Variants in DYNC1I1 observed in about 807,000 individuals in gnomAD.
DYNC1I1 encodes the protein dynein cytoplasmic 1 intermediate chain 1.
A neutral mutation model predicts 86.6 loss-of-function variants in DYNC1I1; 43 were observed. The ratio of observed to expected loss-of-function variants is 0.50; its 90% CI spans 0.39 to 0.64. The LOEUF (loss-of-function observed/expected upper bound fraction) is 0.64. DYNC1I1 is among the 30% of genes least tolerant of loss of function. DYNC1I1 has a pLI of 0.00. For synonymous variants in DYNC1I1, 262 were observed against 283.7 expected (o/e 0.92, Z 0.77); for missense variants, 604 against 788.8 (o/e 0.77, Z 2.81).
intron 10 of DYNC1I1, among the ~76,000 whole-genome samples, chr7:96,021,635 TAAAG>T (rs1159120773): frequency 6.6e-6 from 1 of 152,194 alleles, no homozygotes; most frequent in Non-Finnish European, 1.5e-5. Context: ...TATCATCACA[TAAAG>T]AAACCCCATA....
rs747542687 is a variant in DYNC1I1, at chr7:96,063,201, G to A, written c.1510-12856G>A. Among the ~76,000 whole-genome samples the A allele has an allele frequency of 2.0e-5, 3 of 151,884 alleles. No homozygotes were observed. In the East Asian group the frequency reaches 5.8e-4, roughly 29 times the overall value. Reference sequence around the variant, plus strand: ...TGGAGGCGCAATATAGCTGATGGTTGAGCCGTAGTCATTGATTGCAAAGGG... The same window carrying A: ...TGGAGGCGCAATATAGCTGATGGTTAAGCCGTAGTCATTGATTGCAAAGGG... On this transcript the variant is annotated intron_variant, in intron 14 of 16. Transcript: ENST00000447467.
chr7:95,965,535 T>A (rs1792988425), intron 6 of DYNC1I1, among the ~76,000 whole-genome samples: 1 of 151,866 alleles, frequency 6.6e-6, no homozygotes, highest in Non-Finnish European at 1.5e-5. Context: ...CCAAGGAGAG[T>A]AATTCTGTTA....
intron 10 of DYNC1I1, among the ~76,000 whole-genome samples, chr7:96,020,182 T>G (rs1794508998): frequency 6.6e-6 from 1 of 151,372 alleles, no homozygotes. Context: ...GGGTGGAATG[T>G]AAAATGGTGC....
intron 5 of DYNC1I1, among the ~76,000 whole-genome samples, chr7:95,850,528 C>G (rs1321992505): frequency 1.3e-5 from 2 of 152,170 alleles, no homozygotes; most frequent in Non-Finnish European, 2.9e-5. Context: ...TCAAGACTGT[C>G]AGTGAATGCC....
intron 6 of DYNC1I1, among the ~76,000 whole-genome samples, chr7:95,972,709 C>T (rs916456318): frequency 6.6e-6 from 1 of 152,300 alleles, no homozygotes; most frequent in Admixed American, 6.5e-5. Context: ...AAACTGTCTA[C>T]GTCGGCTTCA....
At chr7:95,814,904 C>A (rs1404328087) in intron 4 of DYNC1I1, among the ~76,000 whole-genome samples, 4 of 152,026 alleles carry the variant, frequency 2.6e-5, no homozygotes, top group Non-Finnish European at 4.4e-5. Context: ...TTCAAAAGGT[C>A]TTTGGCAGGA....
chr7:95,884,853 TTC>T lies in DYNC1I1; in HGVS notation c.490+14859_490+14860del, dbSNP rs1401310292. On this transcript the variant is annotated intron_variant, in intron 6 of 16. Coordinates refer to ENST00000447467, the MANE Select transcript of DYNC1I1 (RefSeq NM_001135556.2). ...CTTATAGGCTACATACACAGCAGTATTCTCTGTTTCTCCTCAACCTCAGTAAA... is the reference window on the plus strand; with the variant it reads ...CTTATAGGCTACATACACAGCAGTATTCTGTTTCTCCTCAACCTCAGTAAA... Among the ~76,000 whole-genome samples, 4 of 151,962 alleles carry T rather than the reference TTC, an allele frequency of 2.6e-5. No individual in the cohort carries two copies. The East Asian group carries it at 5.8e-4, about 22-fold the overall frequency.
chr7:95,962,565 G>A (rs559287912), intron 6 of DYNC1I1, among the ~76,000 whole-genome samples: 3 of 143,214 alleles, frequency 2.1e-5, no homozygotes, highest in Non-Finnish European at 4.5e-5. Flanking sequence ...CAATTACCCT[G>A]CCTTAATAAC....
chr7:96,058,366 G>A (rs1789649351), intron 14 of DYNC1I1, among the ~76,000 whole-genome samples: 2 of 152,172 alleles, frequency 1.3e-5, no homozygotes, highest in African/African-American at 4.8e-5. Context: ...TCAAACTTGT[G>A]TAATCAATAG....
chr7:96,075,135 T>TTCAA (rs1790291469), intron 14 of DYNC1I1, among the ~76,000 whole-genome samples: 1 of 152,232 alleles, frequency 6.6e-6, no homozygotes, highest in Admixed American at 6.5e-5. Flanking sequence ...GAAGTCCAAT[T>TTCAA]ACGTTTTATT....
intron 7 of DYNC1I1, among the ~76,000 whole-genome samples, chr7:95,984,548 C>T (rs1049506127): frequency 6.6e-6 from 1 of 151,980 alleles, no homozygotes; most frequent in African/African-American, 2.4e-5. Context: ...TAAAAACACA[C>T]CAATCTATTT....
chr7:95,863,533 C>T (rs1250229651), intron 5 of DYNC1I1, among the ~76,000 whole-genome samples: 2 of 152,142 alleles, frequency 1.3e-5, no homozygotes, highest in Admixed American at 6.6e-5. Context: ...TTAAGGCAGC[C>T]TTGATCTTAA....
chr7:95,870,759 A>G (rs935136501), intron 6 of DYNC1I1, among the ~76,000 whole-genome samples: 2 of 152,268 alleles, frequency 1.3e-5, no homozygotes, highest in Non-Finnish European at 2.9e-5. Context: ...TCATGAGAGA[A>G]GTCGAAGTTG....
chr7:95,808,424 C>A (rs893060286), intron 2 of DYNC1I1, among the ~76,000 whole-genome samples: 1 of 152,086 alleles, frequency 6.6e-6, no homozygotes, highest in African/African-American at 2.4e-5. Context: ...AATTACCACC[C>A]TTTGCTCTTT....
rs73228432 is a variant in DYNC1I1 at position 95,861,321 on chromosome 7, T to C, written c.375-8562T>C. 5.7e-3 allele frequency among the ~76,000 whole-genome samples: 873 copies of C among 152,368 alleles called. 3 individuals carry two copies. The highest frequency in any genetic ancestry group is 9.2e-3 in the Non-Finnish European group (628 of 68,042). On this transcript the variant is annotated intron_variant, in intron 5 of 16. Transcript: ENST00000447467. ...AAGAATTTCTTCAATTCCTGAAGTG[T>C]ATTTTAATTCTGGCTCTTCTGTCTC...
At chr7:96,081,295 C>T (rs1202086785) in intron 16 of DYNC1I1, among the ~76,000 whole-genome samples, 2 of 148,372 alleles carry the variant, frequency 1.3e-5, no homozygotes, top group Non-Finnish European at 3.0e-5. Flanking sequence ...ACATGATACA[C>T]AAAGTATTCC....
intron 1 of DYNC1I1, among the ~76,000 whole-genome samples, chr7:95,787,570 G>A (rs1386537305): frequency 6.6e-6 from 1 of 152,110 alleles, no homozygotes; most frequent in Non-Finnish European, 1.5e-5. Flanking sequence ...ACAGGGAAAG[G>A]AGTTCACTCA....
At chr7:96,085,624 T>C (rs1048270007) in intron 16 of DYNC1I1, among the ~76,000 whole-genome samples, 1 of 152,236 alleles carries the variant, frequency 6.6e-6, no homozygotes, top group African/African-American at 2.4e-5. Flanking sequence ...ATGGAAGTTA[T>C]GCGAATCTGA....
intron 6 of DYNC1I1, among the ~76,000 whole-genome samples, chr7:95,896,795 C>T (rs942598836): frequency 2.6e-5 from 4 of 152,170 alleles, no homozygotes; most frequent in African/African-American, 9.7e-5. Flanking sequence ...AATCCGTGAT[C>T]TTTCTCATCA....
Sources: allele counts gnomAD v4.1 joint callset (sites outside exome capture counted in the v4.1 genomes callset), GRCh38; gene constraint gnomAD v4.1.1; transcripts MANE v1.5; gene names NCBI Gene and HGNC (gene_info 2026-07-23, HGNC 2026-07-21).